The following ALDH1A2 variants were observed in gnomAD, a reference collection of about 807,000 sequenced individuals.
ALDH1A2 encodes the protein retinal dehydrogenase 2.
Under a neutral mutation model 60.3 loss-of-function variants are expected in ALDH1A2, and 27 were observed. That is an observed-to-expected ratio of 0.45 (90% CI 0.33 to 0.62). The LOEUF (loss-of-function observed/expected upper bound fraction) is 0.62, where lower values mean the gene tolerates loss of function less well. Ranked by LOEUF, ALDH1A2 falls within the 20% of genes least tolerant of loss-of-function variation. The pLI is 0.02. For synonymous variants in ALDH1A2, 289 were observed against 232.4 expected, an observed-to-expected ratio of 1.24 and a Z score of -2.21; for missense variants, 581 against 643.8, an observed-to-expected ratio of 0.90 and a Z score of 1.06.
intron 1 of ALDH1A2, among the ~76,000 whole-genome samples, chr15:58,019,413 G>A (rs1200292558): frequency 4.6e-5 from 7 of 152,158 alleles, no homozygotes; most frequent in Non-Finnish European, 1.0e-4. Flanking sequence ...GTAGTTTACT[G>A]AATTTCAGAA....
intron 1 of ALDH1A2, among the ~76,000 whole-genome samples, chr15:58,064,025 G>A (rs909441675): frequency 6.6e-6 from 1 of 152,248 alleles, no homozygotes; most frequent in East Asian, 1.9e-4. Flanking sequence ...TTCTTTCAGA[G>A]GCTGTTAGAA....
At position 58,056,238 on chromosome 15, in the gene ALDH1A2, T is replaced by C. The variant is rs1447865642; in HGVS notation, c.117+9296A>G. ...ACTGTTCTTAGTTTAGGGAAACTAGTGTGTATTAAAACCATCAATCAAAGT... is the reference window on the plus strand; with the variant it reads ...ACTGTTCTTAGTTTAGGGAAACTAGCGTGTATTAAAACCATCAATCAAAGT... On this transcript the variant is annotated intron_variant, in intron 1 of 12. Coordinates refer to ENST00000249750, the MANE Select transcript of ALDH1A2 (RefSeq NM_003888.4). Among the ~76,000 whole-genome samples the C allele has an allele frequency of 2.0e-5, 3 of 152,106 alleles. No homozygotes were observed. In the East Asian group the frequency reaches 5.8e-4, roughly 29 times the overall value.
chr15:57,996,202 C>T (rs1895054514), intron 4 of ALDH1A2, among the ~76,000 whole-genome samples: 1 of 152,102 alleles, frequency 6.6e-6, no homozygotes, highest in Non-Finnish European at 1.5e-5. Context: ...TTGTTTATCA[C>T]TGTCTCTCAA....
chr15:58,014,288 G>T lies in ALDH1A2; in HGVS notation c.118-7C>A, dbSNP rs753088228. The T allele has an allele frequency of 6.2e-7, 1 of 1,609,244 alleles. No individual in the cohort carries two copies. The highest frequency in any genetic ancestry group is 1.1e-5 in the South Asian group (1 of 90,978). ...ACTCGTTGTTTATAAAGATCTAAGG[G>T]AGTAGATAACAGAATGGGATCTGTG... On this transcript the variant is annotated splice_region_variant and splice_polypyrimidine_tract_variant and intron_variant, in intron 1 of 12. Coordinates refer to ENST00000249750, the MANE Select transcript of ALDH1A2 (RefSeq NM_003888.4).
chr15:57,985,356 C>G (rs1272443149), intron 7 of ALDH1A2, among the ~76,000 whole-genome samples: 1 of 152,136 alleles, frequency 6.6e-6, no homozygotes, highest in African/African-American at 2.4e-5. Flanking sequence ...ATAGACCACC[C>G]AACCCCTAGA....
intron 7 of ALDH1A2, among the ~76,000 whole-genome samples, chr15:57,983,662 C>A (rs1238037661): frequency 6.6e-6 from 1 of 152,142 alleles, no homozygotes; most frequent in Admixed American, 6.6e-5. Context: ...TTGATCTTAT[C>A]ATCTTGAAAA....
chr15:58,055,271 G>A (rs1322852008), intron 1 of ALDH1A2, among the ~76,000 whole-genome samples: 2 of 151,974 alleles, frequency 1.3e-5, no homozygotes, highest in Non-Finnish European at 2.9e-5. Flanking sequence ...ACATCGTAGT[G>A]TTGCCCCAAG....
intron 12 of ALDH1A2, among the ~76,000 whole-genome samples, chr15:57,956,017 G>A (rs774408366): frequency 6.6e-6 from 1 of 152,106 alleles, no homozygotes; most frequent in Non-Finnish European, 1.5e-5. Context: ...CGTCCTCTCT[G>A]TTCACAGAGC....
At chr15:57,959,735 T>A (rs1226488113) in intron 12 of ALDH1A2, among the ~76,000 whole-genome samples, 1 of 152,214 alleles carries the variant, frequency 6.6e-6, no homozygotes, top group African/African-American at 2.4e-5. Context: ...GTAGTAATAG[T>A]GGCAGGATTC....
At chr15:57,989,390 TCAAAGTTTTTTAGAGTAAC>T (rs1250704392) in intron 7 of ALDH1A2, among the ~76,000 whole-genome samples, 2 of 152,198 alleles carry the variant, frequency 1.3e-5, no homozygotes, top group African/African-American at 4.8e-5. Context: ...AAAATTCCAA[TCAAAGTTTTTTAGAGTAAC>T]ATAAGGTACT....
chr15:57,995,236 A>G, intron 4 of ALDH1A2, 97 bp from the exon 5 acceptor site: 1 of 647,218 alleles, frequency 1.5e-6, no homozygotes, highest in Non-Finnish European at 2.6e-6. Flanking sequence ...AAAAAAAAAA[A>G]CAAACAGAAA....
At position 58,010,652 on chromosome 15, in the gene ALDH1A2, C is replaced by A; in HGVS notation, c.490G>T (p.Val164Leu). 1.2e-6 allele frequency: 2 copies of A among 1,613,124 alleles called. No individual in the cohort carries two copies. Among genetic ancestry groups the A allele is most frequent in the South Asian group, 1.1e-5 (1 of 91,064 alleles). Reference protein sequence around the residue: ...ADKIHGMTIPVDGDYFTFTRH... With the variant: ...ADKIHGMTIPLDGDYFTFTRH... ...AACGTACTCAGATTTCACATACCTA[C>A]AGGAATGGTCATCCCATGAATTTTA... Residue 164 changes from valine to leucine, a missense_variant, in exon 4 of 13, where the codon GTA becomes TTA. Val to Leu is a conservative substitution (Grantham distance 32). Transcript: ENST00000249750.
At chr15:57,985,061 A>ATGTT (rs1482876904) in intron 7 of ALDH1A2, among the ~76,000 whole-genome samples, 4 of 152,108 alleles carry the variant, frequency 2.6e-5, no homozygotes. Flanking sequence ...TACTCATAAG[A>ATGTT]TGTTGGTATA....
chr15:58,002,497 T>C (rs901362746), intron 4 of ALDH1A2, among the ~76,000 whole-genome samples: 1 of 151,982 alleles, frequency 6.6e-6, no homozygotes. Flanking sequence ...CTCATAAAAA[T>C]ATCTCGCATT....
chr15:58,065,700 TGCGCGCGGTCCGCGGCCCGGGG>T (rs1897162752), exon 1 of ALDH1A2: 1 of 1,336,078 alleles, frequency 7.5e-7, no homozygotes. Context: ...GTGCGGGCTG[TGCGCGCGGTCCGCGGCCCGGGG>T]GCGCGCTCGC....
chr15:57,956,595 G>A (rs1006809966), intron 12 of ALDH1A2, among the ~76,000 whole-genome samples: 2 of 152,112 alleles, frequency 1.3e-5, no homozygotes, highest in Admixed American at 1.3e-4. Flanking sequence ...AGTTCATTTC[G>A]CTTAAAGCAA....
intron 7 of ALDH1A2, among the ~76,000 whole-genome samples, chr15:57,966,887 C>T (rs1174963558): frequency 6.6e-6 from 1 of 152,208 alleles, no homozygotes; most frequent in African/African-American, 2.4e-5. Context: ...TAACCTACAA[C>T]AGGATGCGAC....
At chr15:58,018,967 C>A (rs1477153761) in intron 1 of ALDH1A2, among the ~76,000 whole-genome samples, 1 of 152,008 alleles carries the variant, frequency 6.6e-6, no homozygotes, top group African/African-American at 2.4e-5. Flanking sequence ...ATTATTGGGA[C>A]AATTGGTGAA....
chr15:57,971,102 C>T (rs1177646183), intron 7 of ALDH1A2, among the ~76,000 whole-genome samples: 1 of 152,166 alleles, frequency 6.6e-6, no homozygotes, highest in Non-Finnish European at 1.5e-5. Flanking sequence ...TGTTTCCAGC[C>T]TTCTGTCCCA....
Sources: gnomAD v4.1 joint callset for allele counts (sites outside exome capture counted in the v4.1 genomes callset) on GRCh38, gnomAD v4.1.1 for gene constraint, MANE v1.5 for transcripts, NCBI Gene and HGNC (gene_info 2026-07-23, HGNC 2026-07-21) for gene names.